GRM5: variants seen among roughly 807,000 people sequenced by gnomAD.
GRM5 encodes the protein glutamate metabotropic receptor 5, also known as metabotropic glutamate receptor 5.
A neutral mutation model predicts 83.1 loss-of-function variants in GRM5; 19 were observed. That is an observed-to-expected ratio of 0.23 (90% CI 0.16 to 0.34). The LOEUF is 0.34. Among genes scored for constraint, GRM5 ranks in the 10% least tolerant of loss-of-function variants. GRM5 has a pLI of 1.00. For missense variants in GRM5, 1,160 were observed against 1,588.3 expected (o/e 0.73, Z 4.58); for synonymous variants, 675 against 633.6 (o/e 1.07, Z -0.98).
intron 3 of GRM5, among the ~76,000 whole-genome samples, chr11:88,741,957 C>T (rs1248288948): frequency 6.6e-6 from 1 of 152,014 alleles, no homozygotes; most frequent in African/African-American, 2.4e-5. Flanking sequence ...ATGGAAGTGG[C>T]CCAGCAAGAT....
At chr11:88,799,935 A>G (rs1289608268) in intron 3 of GRM5, among the ~76,000 whole-genome samples, 1 of 152,078 alleles carries the variant, frequency 6.6e-6, no homozygotes, top group Non-Finnish European at 1.5e-5. Context: ...CAAACAACAG[A>G]CTCTGTGGGC....
chr11:88,767,815 C>T (rs1942652266), intron 3 of GRM5, among the ~76,000 whole-genome samples: 1 of 151,652 alleles, frequency 6.6e-6, no homozygotes, highest in Non-Finnish European at 1.5e-5. Context: ...GCACATGTAC[C>T]CCAGAACCTA....
At chr11:88,814,095 C>A (rs1028461266) in intron 3 of GRM5, among the ~76,000 whole-genome samples, 3 of 152,094 alleles carry the variant, frequency 2.0e-5, no homozygotes, top group Non-Finnish European at 4.4e-5. Flanking sequence ...ATCAGATATA[C>A]CATCCTATGT....
chr11:88,567,788 G>A lies in GRM5; in HGVS notation c.1895C>T (p.Thr632Ile), dbSNP rs1482935468. 6.2e-7 allele frequency: 1 copy of A among 1,614,008 alleles called. No homozygotes were observed. The change falls in exon 8 of 10, where the codon ACC becomes ATC. Residue 632 changes from threonine (T) to isoleucine (I), a missense_variant. By Grantham distance (89) the Thr-to-Ile change is moderately conservative. Around this residue, in one of 9 missense-constraint regions of GRM5, gnomAD observed 132 missense variants for 245.5 expected, o/e 0.54. Transcript: ENST00000305447. The surrounding 1 kb of genome is among the most constrained non-coding windows in gnomAD (Gnocchi z 7.3). The stretch of plus-strand genomic sequence containing the variant: ...TTTGGGCTTCGCAATGAGGCAGAAG[G>A]TACATAAGTAGCCCAGGCAGATGCC... ...LAGICLGYLC[T>I]FCLIAKPKQI...
chr11:88,685,529 A>C (rs866078155), intron 3 of GRM5, among the ~76,000 whole-genome samples: 1 of 152,214 alleles, frequency 6.6e-6, no homozygotes, highest in South Asian at 2.1e-4. Context: ...CCAAATGTTA[A>C]TCCCCAAGAC....
At chr11:88,628,693 G>A (rs35894569) in intron 4 of GRM5, among the ~76,000 whole-genome samples, 7,071 of 152,262 alleles carry the variant, frequency 0.046, 183 homozygotes, top group Middle Eastern at 0.071. Context: ...AGGAGCAGGA[G>A]AAAGGTATAT....
intron 2 of GRM5, among the ~76,000 whole-genome samples, chr11:88,921,800 G>GA (rs1270705848): frequency 2.0e-5 from 3 of 151,734 alleles, no homozygotes; most frequent in Non-Finnish European, 2.9e-5. Flanking sequence ...AATTGTAAAA[G>GA]AAAAAATCAA....
intron 3 of GRM5, among the ~76,000 whole-genome samples, chr11:88,826,407 A>G (rs781340798): frequency 6.9e-4 from 105 of 151,834 alleles, no homozygotes; most frequent in Non-Finnish European, 5.0e-4. Flanking sequence ...GCCATTATCA[A>G]CTACAAATAC....
At chr11:88,713,084 T>C (rs1476814329) in intron 3 of GRM5, among the ~76,000 whole-genome samples, 12 of 152,034 alleles carry the variant, frequency 7.9e-5, no homozygotes, top group Admixed American at 7.9e-4. Flanking sequence ...TGGCAAAATT[T>C]TGGAATATTC....
chr11:88,548,550 C>A (rs1342919783), intron 8 of GRM5, among the ~76,000 whole-genome samples: 1 of 152,062 alleles, frequency 6.6e-6, no homozygotes. Context: ...TTAATAGCTC[C>A]ACAAATATAC....
At chr11:88,521,222 C>T (rs1657826051) in intron 9 of GRM5, among the ~76,000 whole-genome samples, 1 of 152,032 alleles carries the variant, frequency 6.6e-6, no homozygotes, top group African/African-American at 2.4e-5. Flanking sequence ...TCGAGACTAG[C>T]CTGGCCAACA....
intron 2 of GRM5, among the ~76,000 whole-genome samples, chr11:88,968,339 G>A (rs925123331): frequency 1.3e-5 from 2 of 152,068 alleles, no homozygotes; most frequent in African/African-American, 2.4e-5. Flanking sequence ...CAAATCTAGA[G>A]AGACAGAAAG....
intron 2 of GRM5, among the ~76,000 whole-genome samples, chr11:88,892,111 T>C (rs1425057166): frequency 6.6e-6 from 1 of 151,728 alleles, no homozygotes; most frequent in African/African-American, 2.4e-5. Context: ...GTGAGTAACC[T>C]TAACTTACGG....
intron 2 of GRM5, among the ~76,000 whole-genome samples, chr11:89,021,896 C>T (rs1010708156): frequency 5.9e-5 from 9 of 152,074 alleles, no homozygotes; most frequent in African/African-American, 2.2e-4. Context: ...ATTTGGGATA[C>T]AACTGTTAAT....
chr11:89,009,771 G>A (rs892359757), intron 2 of GRM5, among the ~76,000 whole-genome samples: 20 of 150,470 alleles, frequency 1.3e-4, no homozygotes, highest in African/African-American at 4.6e-4. Context: ...CGTGGTAGCG[G>A]GCGCCTGTAG....
chr11:88,913,938 C>T (rs1296135506), intron 2 of GRM5, among the ~76,000 whole-genome samples: 1 of 152,124 alleles, frequency 6.6e-6, no homozygotes, highest in African/African-American at 2.4e-5. Context: ...GTTCCTTCAG[C>T]CCTAGTGGGT....
chr11:88,926,032 ATCCAAATTCTGG>A (rs1230916064), intron 2 of GRM5, among the ~76,000 whole-genome samples: 4 of 152,178 alleles, frequency 2.6e-5, no homozygotes, highest in Non-Finnish European at 5.9e-5. Flanking sequence ...AGCACATGAA[ATCCAAATTCTGG>A]TCCTGTAAAT....
At chr11:88,978,018 T>C (rs950970075) in intron 2 of GRM5, among the ~76,000 whole-genome samples, 5 of 152,206 alleles carry the variant, frequency 3.3e-5, no homozygotes, top group Non-Finnish European at 5.9e-5. Flanking sequence ...ATCTACTTTA[T>C]TGGGTATCAT....
intron 3 of GRM5, among the ~76,000 whole-genome samples, chr11:88,705,248 C>G (rs1941127553): frequency 6.6e-6 from 1 of 152,036 alleles, no homozygotes; most frequent in African/African-American, 2.4e-5. Flanking sequence ...GAAGACTCAG[C>G]AGTGCTTGAG....
Sources: gnomAD v4.1 joint callset for allele counts (sites outside exome capture counted in the v4.1 genomes callset) on GRCh38, gnomAD v4.1.1 for gene constraint, gnomAD v4.1.1 regional missense constraint, Gnocchi (gnomAD v3.1) non-coding constraint, MANE v1.5 for transcripts, NCBI Gene and HGNC (gene_info 2026-07-23, HGNC 2026-07-21) for gene names.